The following U2SURP variants were observed in gnomAD, a reference collection of about 807,000 sequenced individuals.
U2SURP encodes the protein U2 snRNP associated SURP domain containing.
In U2SURP, 9 loss-of-function variants were observed where a neutral mutation model predicts 144.9. The observed-to-expected ratio is 0.06, with a 90% CI of 0.04 to 0.11. The LOEUF (loss-of-function observed/expected upper bound fraction) is 0.11, where lower values mean the gene tolerates loss of function less well. Ranked by LOEUF, U2SURP falls within the 10% of genes least tolerant of loss-of-function variation. The probability of loss-of-function intolerance (pLI) is 1.00; values close to 1 mark genes in which losing one functional copy is unlikely to be tolerated. For missense variants in U2SURP, 724 were observed against 1,226.7 expected, an observed-to-expected ratio of 0.59 and a Z score of 6.12; for synonymous variants, 408 against 396.8, an observed-to-expected ratio of 1.03 and a Z score of -0.33.
chr3:143,046,733 C>A (rs1340322420), intron 24 of U2SURP, among the ~76,000 whole-genome samples: 1 of 120,238 alleles, frequency 8.3e-6, no homozygotes, highest in African/African-American at 3.7e-5. Context: ...TACACAGACA[C>A]GGCAACCATC....
rs760965808 is a variant in U2SURP, at chr3:143,010,873, G to A, written c.90+14G>A. 7.5e-6 allele frequency: 12 copies of A among 1,593,084 alleles called. No homozygotes were observed. The South Asian group carries it at 1.0e-4, about 14-fold the overall frequency. ...TCAGATGCACATGTGAGTATAGAAG[G>A]CAATCTTTGTCTTTTTTCCTTTAAA... On this transcript the variant is annotated intron_variant, in intron 2 of 27. Coordinates refer to ENST00000473835, the MANE Select transcript of U2SURP (RefSeq NM_001080415.2).
intron 13 of U2SURP, 117 bp downstream of exon 13, chr3:143,024,135 A>G (rs543625931): frequency 5.6e-4 from 529 of 937,328 alleles, no homozygotes; most frequent in Admixed American, 1.4e-3. Context: ...GTTCCTTCCC[A>G]GTACTTTTTG....
intron 1 of U2SURP, among the ~76,000 whole-genome samples, chr3:143,007,668 CCT>C (rs1415054695): frequency 6.6e-6 from 1 of 152,062 alleles, no homozygotes; most frequent in Non-Finnish European, 1.5e-5. Flanking sequence ...GTCTTGATCT[CCT>C]CTGACTTTGT....
At chr3:143,033,984 A>C (rs1463899254) in intron 18 of U2SURP, among the ~76,000 whole-genome samples, 1 of 152,270 alleles carries the variant, frequency 6.6e-6, no homozygotes. Flanking sequence ...ACTGGCAAAC[A>C]TAAGAGACCA....
intron 13 of U2SURP, among the ~76,000 whole-genome samples, chr3:143,025,352 C>T (rs1332540405): frequency 6.6e-6 from 1 of 152,182 alleles, no homozygotes; most frequent in Non-Finnish European, 1.5e-5. Flanking sequence ...CGAAAGTCTT[C>T]ACTCACCATT....
intron 1 of U2SURP, among the ~76,000 whole-genome samples, chr3:143,006,804 T>C (rs375684715): frequency 2.6e-5 from 4 of 152,278 alleles, no homozygotes; most frequent in African/African-American, 9.6e-5. Flanking sequence ...GTCAGCACAA[T>C]GCAATTAAGG....
At chr3:143,042,018 T>A (rs551120210) in intron 23 of U2SURP, among the ~76,000 whole-genome samples, 41 of 152,052 alleles carry the variant, frequency 2.7e-4, no homozygotes, top group African/African-American at 8.4e-4. Flanking sequence ...GTATTTTTTT[T>A]AAAAAAACCA....
intron 6 of U2SURP, 183 bp downstream of exon 6, chr3:143,017,158 A>G (rs1936412798): frequency 2.2e-6 from 1 of 450,950 alleles, no homozygotes; most frequent in Admixed American, 4.4e-5. Context: ...TGGGACACGT[A>G]GATGATATTC....
At chr3:143,009,929 T>G (rs1333929885) in intron 1 of U2SURP, among the ~76,000 whole-genome samples, 1 of 152,206 alleles carries the variant, frequency 6.6e-6, no homozygotes, top group Non-Finnish European at 1.5e-5. Context: ...TATTCTTGAT[T>G]TCATTTGAAC....
Position 143,060,435 on chromosome 3 carries a change from A to G in U2SURP, c.*3985A>G, listed in dbSNP as rs1238466067. 1 of 152,014 alleles carries G rather than the reference A, an allele frequency of 6.6e-6. No homozygotes were observed. The highest frequency in any genetic ancestry group is 1.5e-5 in the Non-Finnish European group (1 of 67,884). 9.4% of individuals were successfully genotyped at this position (152,014 alleles called of 1,614,324 possible). On this transcript the variant is annotated 3_prime_UTR_variant, in exon 28 of 28. Transcript: ENST00000473835. ...GAGCTGCTTTCCAGATCAGACTGTC[A>G]CTTTATAGTTTTTCTACATAAAGAT...
chr3:143,020,761 G>A (rs1054835408), intron 8 of U2SURP, 68 bp downstream of exon 8: 6 of 1,241,388 alleles, frequency 4.8e-6, no homozygotes, highest in East Asian at 4.9e-5. Flanking sequence ...TATCCGTGGC[G>A]GGTTACATTC....
At chr3:143,007,597 G>A (rs1350559257) in intron 1 of U2SURP, among the ~76,000 whole-genome samples, 4 of 151,714 alleles carry the variant, frequency 2.6e-5, no homozygotes, top group South Asian at 2.1e-4. Context: ...GCCCGCCACC[G>A]CACCTGGCCA....
chr3:143,012,447 G>A (rs1936168455), intron 3 of U2SURP, 94 bp downstream of exon 3: 8 of 1,255,194 alleles, frequency 6.4e-6, no homozygotes, highest in Admixed American at 6.4e-5. Flanking sequence ...ATTTGGTTTT[G>A]TATGTGTTTC....
Position 143,034,980 on chromosome 3 carries a change from G to A in U2SURP, c.1941+5G>A. 2.5e-6 allele frequency: 3 copies of A among 1,209,362 alleles called. No individual in the cohort carries two copies. The highest frequency in any genetic ancestry group is 2.2e-6 in the Non-Finnish European group (2 of 904,952). The allele number at this position is 1,209,362 out of a possible 1,614,324, so 74.9% of individuals were successfully genotyped here. ...TTACAATCTGAAAACTTTAAGGTAC[G>A]TTTATTGTTTTACTATTTTTGCCCT... is the stretch of plus-strand genomic sequence containing the variant. On this transcript the variant is annotated splice_donor_5th_base_variant and intron_variant, in intron 19 of 27. Coordinates refer to ENST00000473835, the MANE Select transcript of U2SURP (RefSeq NM_001080415.2).
At chr3:143,055,552 A>G (rs2108322730) in intron 27 of U2SURP, among the ~76,000 whole-genome samples, 1 of 152,270 alleles carries the variant, frequency 6.6e-6, no homozygotes, top group South Asian at 2.1e-4. Flanking sequence ...TATGTATTTT[A>G]GTATTTTGTA....
chr3:143,014,809 T>C (rs1431475508), intron 4 of U2SURP, among the ~76,000 whole-genome samples: 1 of 152,114 alleles, frequency 6.6e-6, no homozygotes, highest in Non-Finnish European at 1.5e-5. Context: ...CTTATTCATT[T>C]GCTATGGCTG....
At position 143,001,660 on chromosome 3, in the gene U2SURP, A is replaced by G. The variant is rs1420432899; in HGVS notation, c.32A>G (p.Lys11Arg). The G allele has an allele frequency of 1.9e-6, 3 of 1,614,008 alleles. No individual in the cohort carries two copies. The highest frequency in any genetic ancestry group is 1.7e-5 in the Admixed American group (1 of 60,028). Residue 11 changes from lysine (K) to arginine (R), a missense_variant, in exon 1 of 28, where the codon AAG becomes AGG. Lys to Arg is a conservative substitution (Grantham distance 26, BLOSUM62 2). Around this residue, in one of 13 missense-constraint regions of U2SURP, gnomAD observed 127 missense variants for 98.2 expected, o/e 1.29. Coordinates refer to ENST00000473835, the MANE Select transcript of U2SURP (RefSeq NM_001080415.2). ...GACAAAACGCCAGGCGGATCTCAGA[A>G]GGCCAGTTCAAAGGTAATTTCTGAC... is the stretch of plus-strand genomic sequence containing the variant. MADKTPGGSQ[K>R]ASSKTRSSDV...
Position 143,055,398 on chromosome 3 carries a change from G to A in U2SURP, c.2951+279G>A, listed in dbSNP as rs573641211. Among the ~76,000 whole-genome samples, 14 of 151,962 alleles carry A rather than the reference G, an allele frequency of 9.2e-5. 1 individual carries two copies. In the East Asian group the frequency reaches 2.5e-3, roughly 27 times the overall value. On this transcript the variant is annotated intron_variant, in intron 27 of 27. Coordinates refer to ENST00000473835, the MANE Select transcript of U2SURP (RefSeq NM_001080415.2). ...AATAGGGTTAGCTGCTTTACTTTTC[G>A]TTCTGTTCTTTAGTTTCTATAGAAT...
Position 143,042,511 on chromosome 3 carries a change from T to C in U2SURP, c.2385-606T>C, listed in dbSNP as rs373465709. 4.6e-5 allele frequency among the ~76,000 whole-genome samples: 7 copies of C among 152,216 alleles called. No individual in the cohort carries two copies. The East Asian group carries it at 7.7e-4, about 17-fold the overall frequency. On this transcript the variant is annotated intron_variant, in intron 23 of 27. Transcript: ENST00000473835. ...GTGGTTTTGGGTTACATGGATATAT[T>C]ATTTAGTGGTGATTACTGAGATTTT...
Sources: gnomAD v4.1 joint callset for allele counts (sites outside exome capture counted in the v4.1 genomes callset) on GRCh38, gnomAD v4.1.1 for gene constraint, gnomAD v4.1.1 regional missense constraint, MANE v1.5 for transcripts, NCBI Gene and HGNC (gene_info 2026-07-23, HGNC 2026-07-21) for gene names.